BMPER: variants seen among roughly 807,000 people sequenced by gnomAD.
BMPER encodes BMP-binding endothelial regulator protein.
In BMPER, 45 loss-of-function variants were observed where a neutral mutation model predicts 87.3. The observed-to-expected ratio is 0.52, with a 90% CI of 0.41 to 0.66. The LOEUF (loss-of-function observed/expected upper bound fraction) is 0.66. BMPER is among the 30% of genes least tolerant of loss of function. BMPER has a pLI of 0.00. For synonymous variants in BMPER, 326 were observed against 316.2 expected, an observed-to-expected ratio of 1.03 and a Z score of -0.33; for missense variants, 784 against 867.5, an observed-to-expected ratio of 0.90 and a Z score of 1.21.
At chr7:33,961,607 A>G (rs557540466) in intron 3 of BMPER, among the ~76,000 whole-genome samples, 6 of 152,208 alleles carry the variant, frequency 3.9e-5, no homozygotes, top group Non-Finnish European at 8.8e-5. Flanking sequence ...GAAAGCATCT[A>G]GAAGGTGTGG....
At chr7:33,961,060 GAGA>G (rs780345164) in intron 3 of BMPER, among the ~76,000 whole-genome samples, 19 of 152,290 alleles carry the variant, frequency 1.2e-4, no homozygotes, top group Non-Finnish European at 1.5e-4. Flanking sequence ...TGGGGTAATG[GAGA>G]AGGAGAACAT....
chr7:34,136,844 G>A (rs915181375), intron 13 of BMPER, among the ~76,000 whole-genome samples: 4 of 152,204 alleles, frequency 2.6e-5, no homozygotes, highest in Non-Finnish European at 5.9e-5. Context: ...GCTGGCACCT[G>A]TCACTCCTGG....
intron 13 of BMPER, among the ~76,000 whole-genome samples, chr7:34,098,585 A>C (rs1330738055): frequency 6.6e-6 from 1 of 151,976 alleles, no homozygotes; most frequent in Admixed American, 6.6e-5. Context: ...AAGGAGGGAG[A>C]GAGAGAGGGT....
chr7:34,094,202 C>T (rs1003783290), intron 13 of BMPER, among the ~76,000 whole-genome samples: 1 of 152,250 alleles, frequency 6.6e-6, no homozygotes, highest in Non-Finnish European at 1.5e-5. Flanking sequence ...CAGCTGAACA[C>T]CTGCTACATG....
chr7:33,953,088 T>G (rs1785065386), intron 3 of BMPER, among the ~76,000 whole-genome samples: 1 of 152,200 alleles, frequency 6.6e-6, no homozygotes. Context: ...CCTCTGACTG[T>G]CGGAGAGTGT....
At chr7:34,105,537 C>T (rs571876156) in intron 13 of BMPER, among the ~76,000 whole-genome samples, 1 of 152,300 alleles carries the variant, frequency 6.6e-6, no homozygotes, top group East Asian at 1.9e-4. Context: ...ATGATGAGAA[C>T]AGTTTGATCG....
At chr7:34,075,442 A>G (rs907692732) in intron 11 of BMPER, among the ~76,000 whole-genome samples, 1 of 151,566 alleles carries the variant, frequency 6.6e-6, no homozygotes, top group Admixed American at 6.6e-5. Flanking sequence ...GGTTTTGTAC[A>G]CTTCTGATCT....
chr7:34,116,453 G>C (rs544302742), intron 13 of BMPER, among the ~76,000 whole-genome samples: 1 of 152,250 alleles, frequency 6.6e-6, no homozygotes, highest in Non-Finnish European at 1.5e-5. Flanking sequence ...TAAAGAAGTT[G>C]GTGTTTCAGA....
At chr7:34,049,858 A>C (rs1422109799) in intron 7 of BMPER, among the ~76,000 whole-genome samples, 2 of 152,188 alleles carry the variant, frequency 1.3e-5, no homozygotes, top group African/African-American at 4.8e-5. Context: ...TATTTAAAGC[A>C]GTGAAAAATG....
At chr7:34,151,147 A>C (rs539042871) in intron 14 of BMPER, among the ~76,000 whole-genome samples, 1 of 152,336 alleles carries the variant, frequency 6.6e-6, no homozygotes, top group South Asian at 2.1e-4. Flanking sequence ...AGAGAAGAGC[A>C]AGGGCACAGA....
intron 7 of BMPER, among the ~76,000 whole-genome samples, chr7:34,050,129 T>C (rs1046892346): frequency 2.6e-5 from 4 of 152,182 alleles, no homozygotes; most frequent in African/African-American, 9.7e-5. Context: ...CTTAGGAAGT[T>C]CAAGAGACTT....
intron 6 of BMPER, among the ~76,000 whole-genome samples, chr7:33,990,297 G>A (rs1786167953): frequency 1.5e-5 from 2 of 137,242 alleles, no homozygotes; most frequent in South Asian, 4.7e-4. Flanking sequence ...TCCTTGAGCA[G>A]TGGTTTGTAG....
At chr7:34,116,043 C>A (rs1462928588) in intron 13 of BMPER, among the ~76,000 whole-genome samples, 2 of 152,164 alleles carry the variant, frequency 1.3e-5, no homozygotes, top group African/African-American at 2.4e-5. Context: ...TTTTGGTTTG[C>A]ATTTTCTTGA....
chr7:33,981,183 G>C (rs964281429), intron 6 of BMPER, among the ~76,000 whole-genome samples: 1 of 152,140 alleles, frequency 6.6e-6, no homozygotes, highest in East Asian at 1.9e-4. Context: ...CCTCACCTGT[G>C]AGCTCATTAG....
At chr7:33,994,039 C>G in intron 6 of BMPER, among the ~76,000 whole-genome samples, 1 of 152,248 alleles carries the variant, frequency 6.6e-6, no homozygotes, top group Non-Finnish European at 1.5e-5. Flanking sequence ...CAGACAGGGA[C>G]ATTTAAGTCT....
At chr7:33,966,698 CTTG>C in intron 4 of BMPER, 137 bp downstream of exon 4, 1 of 762,108 alleles carries the variant, frequency 1.3e-6, no homozygotes, top group Non-Finnish European at 2.2e-6. Flanking sequence ...CAACTGTATC[CTTG>C]TGTGTACTTA....
At chr7:33,963,253 A>G (rs1785315370) in intron 3 of BMPER, among the ~76,000 whole-genome samples, 1 of 152,198 alleles carries the variant, frequency 6.6e-6, no homozygotes. Flanking sequence ...CTCCCATAAT[A>G]TACCTCTCAA....
chr7:34,030,248 A>C (rs1406768207), intron 6 of BMPER, among the ~76,000 whole-genome samples: 1 of 152,126 alleles, frequency 6.6e-6, no homozygotes, highest in Non-Finnish European at 1.5e-5. Flanking sequence ...ATTTGCCTCA[A>C]GGAGGAAGAA....
chr7:33,971,304 T>C (rs1177035575), intron 5 of BMPER, among the ~76,000 whole-genome samples: 1 of 152,132 alleles, frequency 6.6e-6, no homozygotes, highest in Non-Finnish European at 1.5e-5. Context: ...CTTTCCTCCA[T>C]GCAGTCTCAA....
Sources: gnomAD v4.1 joint callset for allele counts (sites outside exome capture counted in the v4.1 genomes callset) on GRCh38, gnomAD v4.1.1 for gene constraint, MANE v1.5 for transcripts, NCBI Gene and HGNC (gene_info 2026-07-23, HGNC 2026-07-21) for gene names.